Variants in CR1 observed in about 807,000 individuals in gnomAD.
The protein encoded by CR1 is complement receptor type 1.
In CR1, 116 loss-of-function variants were observed where a neutral mutation model predicts 187.3. The observed-to-expected ratio is 0.62, with a 90% confidence interval of 0.53 to 0.72. CR1 has a LOEUF of 0.72. Among genes scored for constraint, CR1 ranks in the 30% least tolerant of loss-of-function variants. The pLI is 0.00. For synonymous variants in CR1, 576 were observed against 747.1 expected, an observed-to-expected ratio of 0.77 and a Z score of 3.73; for missense variants, 1,731 against 2,110.7, an observed-to-expected ratio of 0.82 and a Z score of 3.52.
chr1:207,567,617 T>A lies in CR1; in HGVS notation c.3953-207T>A, dbSNP rs554234033. 6.0e-5 allele frequency among the ~76,000 whole-genome samples: 9 copies of A among 150,500 alleles called. No individual in the cohort carries two copies. The South Asian group carries it at 1.7e-3, about 28-fold the overall frequency. Reference sequence around the variant, plus strand: ...TTCTACTGTCCAGGAACTGTTACTATCCGGAAGATTCAGGATAGACAAATC... The same window carrying A: ...TTCTACTGTCCAGGAACTGTTACTAACCGGAAGATTCAGGATAGACAAATC... On this transcript the variant is annotated intron_variant, in intron 24 of 46. Coordinates refer to ENST00000367049, the MANE Select transcript of CR1 (RefSeq NM_000651.6).
intron 29 of CR1, among the ~76,000 whole-genome samples, chr1:207,578,449 C>T (rs1340286960): frequency 1.3e-5 from 2 of 152,210 alleles, no homozygotes; most frequent in African/African-American, 2.4e-5. Flanking sequence ...TTATTTGATT[C>T]TCAGGGCAAA....
chr1:207,523,372 G>A (rs12094477), intron 4 of CR1, among the ~76,000 whole-genome samples: 137 of 152,294 alleles, frequency 9.0e-4, no homozygotes, highest in African/African-American at 3.0e-3. Context: ...AAAATGAAAA[G>A]AATGTGGATT....
chr1:207,580,486 C>CTTTTTTTTTTTTTTTTT, intron 30 of CR1, 25 bp from the exon 31 acceptor site: 1 of 1,378,394 alleles, frequency 7.3e-7, no homozygotes, highest in Non-Finnish European at 9.9e-7. Context: ...CCTATTTTTT[C>CTTTTTTTTTTTTTTTTT]TTTTTTTTTT....
At chr1:207,639,285 G>A in intron 46 of CR1, 112 bp from the exon 47 acceptor site, 1 of 970,930 alleles carries the variant, frequency 1.0e-6, no homozygotes, top group Non-Finnish European at 1.6e-6. Flanking sequence ...AGCAACTCCT[G>A]TTATTGTGGA....
intron 2 of CR1, 66 bp from the exon 3 acceptor site, chr1:207,506,648 C>G: frequency 7.6e-7 from 1 of 1,323,210 alleles, no homozygotes; most frequent in East Asian, 2.3e-5. Context: ...AGGTTGAGAC[C>G]TTATGTACTA....
At chr1:207,596,074 T>G (rs1469512891) in intron 35 of CR1, among the ~76,000 whole-genome samples, 1 of 145,982 alleles carries the variant, frequency 6.9e-6, no homozygotes, top group East Asian at 1.9e-4. Flanking sequence ...TATATCTATA[T>G]CTATATATAT....
Position 207,581,916 on chromosome 1 carries a change from A to C in CR1, c.5217-2A>C. On this transcript the variant is annotated splice_acceptor_variant, in intron 31 of 46. Coordinates refer to ENST00000367049, the MANE Select transcript of CR1 (RefSeq NM_000651.6). LOFTEE classifies it high-confidence loss of function. Reference sequence around the variant, plus strand: ...TCCAGCCACTACTGCTTTGTTCTTTAGGTTTCGCTTAAAGGGCAGTTCCGT... The same window carrying C: ...TCCAGCCACTACTGCTTTGTTCTTTCGGTTTCGCTTAAAGGGCAGTTCCGT... 6.2e-7 allele frequency: 1 copy of C among 1,611,170 alleles called. No homozygotes were observed. The highest frequency in any genetic ancestry group is 8.5e-7 in the Non-Finnish European group (1 of 1,177,686).
intron 3 of CR1, among the ~76,000 whole-genome samples, chr1:207,508,700 T>C (rs1442644106): frequency 2.6e-5 from 4 of 152,200 alleles, no homozygotes; most frequent in African/African-American, 9.7e-5. Flanking sequence ...CATGTGAATC[T>C]GATTATCTCA....
intron 28 of CR1, among the ~76,000 whole-genome samples, chr1:207,577,269 A>AAAC (rs1558241932): frequency 6.6e-6 from 1 of 151,766 alleles, no homozygotes; most frequent in African/African-American, 2.4e-5. Flanking sequence ...AACAAACAAA[A>AAAC]AAAAAACACA....
At chr1:207,499,166 G>T (rs1390141768) in intron 1 of CR1, among the ~76,000 whole-genome samples, 1 of 152,112 alleles carries the variant, frequency 6.6e-6, no homozygotes, top group Admixed American at 6.6e-5. Flanking sequence ...AATGGATAAA[G>T]ATATACCATG....
intron 46 of CR1, among the ~76,000 whole-genome samples, chr1:207,636,016 C>T (rs1228867210): frequency 1.3e-5 from 2 of 152,016 alleles, no homozygotes; most frequent in Non-Finnish European, 2.9e-5. Flanking sequence ...AATGGAGTCT[C>T]CTATGTCTAC....
chr1:207,514,545 G>A (rs1298042312), intron 4 of CR1, among the ~76,000 whole-genome samples: 1 of 152,122 alleles, frequency 6.6e-6, no homozygotes, highest in Non-Finnish European at 1.5e-5. Context: ...TGCTGAATCT[G>A]CCAGTGTTGG....
At chr1:207,623,709 T>C (rs931286101) in intron 45 of CR1, among the ~76,000 whole-genome samples, 8 of 151,908 alleles carry the variant, frequency 5.3e-5, no homozygotes, top group African/African-American at 1.7e-4. Flanking sequence ...TAGTTGTTCA[T>C]GAGGCTGTTT....
chr1:207,639,361 T>A, intron 46 of CR1, 36 bp from the exon 47 acceptor site: 1 of 1,584,568 alleles, frequency 6.3e-7, no homozygotes, highest in Non-Finnish European at 8.6e-7. Context: ...TTGTCTACCA[T>A]GCTGTTAATT....
intron 46 of CR1, among the ~76,000 whole-genome samples, chr1:207,636,055 T>G (rs1008120058): frequency 6.6e-6 from 1 of 152,036 alleles, no homozygotes; most frequent in Non-Finnish European, 1.5e-5. Context: ...AGTAACAATC[T>G]GATCTTTCTT....
chr1:207,565,860 G>C lies in CR1; in HGVS notation c.3889G>C (p.Ala1297Pro). The part of the protein sequence containing the change: ...DEGFQLKGSS[A>P]SYCVLAGMES... ...TAGATTTCAATTAAAAGGCAGCTCT[G>C]CTAGTTATTGTGTCTTGGCTGGAAT... The change falls in exon 24 of 47, where the codon GCT becomes CCT. Residue 1297 changes from alanine (A) to proline (P), a missense_variant. This residue lies in a region of CR1 where 1,312 missense variants were observed against 1,379.6 expected (regional missense o/e 0.95). Transcript: ENST00000367049. The C allele has an allele frequency of 6.2e-7, 1 of 1,610,820 alleles. No individual in the cohort carries two copies. The highest frequency in any genetic ancestry group is 8.5e-7 in the Non-Finnish European group (1 of 1,179,706).
chr1:207,577,715 G>GC, intron 28 of CR1, 90 bp from the exon 29 acceptor site: 1 of 1,563,238 alleles, frequency 6.4e-7, no homozygotes, highest in Non-Finnish European at 8.7e-7. Context: ...GTTGCAGTTA[G>GC]CCATGATTGT....
chr1:207,614,055 T>C (rs182143253), intron 39 of CR1, among the ~76,000 whole-genome samples: 5 of 152,336 alleles, frequency 3.3e-5, no homozygotes, highest in Admixed American at 1.3e-4. Flanking sequence ...AGATGACACC[T>C]GAAGGTTATG....
At chr1:207,574,353 A>G (rs1660669761) in intron 27 of CR1, among the ~76,000 whole-genome samples, 1 of 152,230 alleles carries the variant, frequency 6.6e-6, no homozygotes, top group Non-Finnish European at 1.5e-5. Flanking sequence ...GATTCTATAC[A>G]ACACTAAATT....
Sources: allele counts gnomAD v4.1 joint callset (sites outside exome capture counted in the v4.1 genomes callset), GRCh38; gene constraint gnomAD v4.1.1; regional missense constraint gnomAD v4.1.1; transcripts MANE v1.5; gene names NCBI Gene and HGNC (gene_info 2026-07-23, HGNC 2026-07-21).